NAPB: variants seen among roughly 807,000 people sequenced by gnomAD.
NAPB encodes the protein beta-soluble NSF attachment protein.
A neutral mutation model predicts 44.7 loss-of-function variants in NAPB; 26 were observed. The observed-to-expected ratio is 0.58, with a 90% CI of 0.43 to 0.81. The LOEUF is 0.81. NAPB is among the 30% of genes least tolerant of loss of function. The pLI, the probability that NAPB is intolerant of heterozygous loss-of-function variation, is 0.00. For synonymous variants in NAPB, 120 were observed against 116.8 expected, an observed-to-expected ratio of 1.03 and a Z score of -0.18; for missense variants, 315 against 356.4, an observed-to-expected ratio of 0.88 and a Z score of 0.94.
At chr20:23,388,633 G>A (rs1012559626) in intron 7 of NAPB, among the ~76,000 whole-genome samples, 11 of 151,828 alleles carry the variant, frequency 7.2e-5, no homozygotes, top group African/African-American at 2.7e-4. Flanking sequence ...TTTCAATAAG[G>A]GTCTTAATAC....
At chr20:23,414,075 C>T (rs772894834) in intron 1 of NAPB, among the ~76,000 whole-genome samples, 1 of 152,262 alleles carries the variant, frequency 6.6e-6, no homozygotes, top group East Asian at 1.9e-4. Context: ...GTAATCCCAG[C>T]CCTGTGGGAG....
chr20:23,402,894 G>T, intron 2 of NAPB, 99 bp downstream of exon 2: 2 of 867,594 alleles, frequency 2.3e-6, no homozygotes, highest in Admixed American at 2.3e-5. Context: ...CTGTCTCTGG[G>T]GCCAATAGTC....
At chr20:23,385,620 G>A (rs1005782970) in intron 7 of NAPB, among the ~76,000 whole-genome samples, 4 of 152,090 alleles carry the variant, frequency 2.6e-5, no homozygotes, top group Admixed American at 6.5e-5. Flanking sequence ...GCTGAGGCAC[G>A]AAAATAGTTT....
At chr20:23,409,343 A>C (rs1985484048) in intron 1 of NAPB, among the ~76,000 whole-genome samples, 1 of 152,262 alleles carries the variant, frequency 6.6e-6, no homozygotes, top group Non-Finnish European at 1.5e-5. Context: ...TTTGTGTTTA[A>C]GCACAATTTC....
At position 23,390,245 on chromosome 20, in the gene NAPB, T is replaced by A; in HGVS notation, c.440A>T (p.Gln147Leu). 5 of 1,611,294 alleles carry A rather than the reference T, an allele frequency of 3.1e-6. No homozygotes were observed. The highest frequency in any genetic ancestry group is 4.2e-6 in the Non-Finnish European group (5 of 1,177,470). Reference protein sequence around the residue: ...DIEKAIAHYEQSADYYKGEES... With the variant: ...DIEKAIAHYELSADYYKGEES... Reference sequence around the variant, plus strand: ...TTCTCCTTTGTAATAATCAGCAGATTGTTCATAATGTGCAATAGCCTGAAA... The same window carrying A: ...TTCTCCTTTGTAATAATCAGCAGATAGTTCATAATGTGCAATAGCCTGAAA... The change falls in exon 6 of 11, where the codon CAA becomes CTA. Residue 147 changes from glutamine (Q) to leucine (L), a missense_variant. Physicochemically the swap from Gln to Leu is moderately radical, Grantham distance 113 (BLOSUM62 -2). Around this residue, in one of 3 missense-constraint regions of NAPB, gnomAD observed 179 missense variants for 182.5 expected, o/e 0.98. Transcript: ENST00000377026.
rs1396868593 is a variant in NAPB, at chr20:23,389,973, G to A, written c.534C>T (p.Tyr178=). 1 of 1,613,966 alleles carries A rather than the reference G, an allele frequency of 6.2e-7. No homozygotes were observed. The highest frequency in any genetic ancestry group is 1.3e-5 in the African/African-American group (1 of 74,924). Residue 178 remains tyrosine, a synonymous_variant, in exon 7 of 11, where the codon TAC becomes TAT. Coordinates refer to ENST00000377026, the MANE Select transcript of NAPB (RefSeq NM_022080.3). The part of the protein sequence containing the change: ...VAAYAAQLEQ[Y]QKAIEIYEQV... ...GCTCATAGATCTCAATGGCTTTCTG[G>A]TACTGCTCAAGCTGGGCAGCATATG...
In NAPB at chr20:23,381,432, T is replaced by C. The variant is rs527328700; in HGVS notation, c.562-115A>G. 6.0e-5 allele frequency: 37 copies of C among 618,220 alleles called. No individual in the cohort carries two copies. In the South Asian group the frequency reaches 8.6e-4, roughly 14 times the overall value. The allele number at this position is 618,220 out of a possible 1,614,324, so 38.3% of individuals were successfully genotyped here. ...TATGTATCTTATGTTTGTTTAGCTATGAAATATATTATTTTATCCGAATAC... is the reference window on the plus strand; with the variant it reads ...TATGTATCTTATGTTTGTTTAGCTACGAAATATATTATTTTATCCGAATAC... On this transcript the variant is annotated intron_variant, in intron 7 of 10. Transcript: ENST00000377026.
At chr20:23,378,227 G>C (rs1469211050) in intron 10 of NAPB, among the ~76,000 whole-genome samples, 1 of 151,604 alleles carries the variant, frequency 6.6e-6, no homozygotes, top group Non-Finnish European at 1.5e-5. Flanking sequence ...AGGAGTCTCA[G>C]GTGGGAGGAT....
At chr20:23,378,295 G>A (rs904686524) in intron 10 of NAPB, among the ~76,000 whole-genome samples, 2 of 151,824 alleles carry the variant, frequency 1.3e-5, no homozygotes, top group African/African-American at 4.8e-5. Context: ...CAGCACTCCA[G>A]CCTGAGTGAC....
chr20:23,377,855 T>C (rs1982644024), intron 10 of NAPB, among the ~76,000 whole-genome samples: 1 of 152,180 alleles, frequency 6.6e-6, no homozygotes, highest in Non-Finnish European at 1.5e-5. Context: ...ATTACAGAGT[T>C]AGAATATGTA....
intron 2 of NAPB, among the ~76,000 whole-genome samples, chr20:23,397,491 T>G (rs1984456793): frequency 6.6e-6 from 1 of 152,206 alleles, no homozygotes; most frequent in Admixed American, 6.5e-5. Context: ...GGCTACTCAA[T>G]TCAATTCCAC....
At chr20:23,393,228 G>A (rs1373421611) in intron 5 of NAPB, among the ~76,000 whole-genome samples, 1 of 152,092 alleles carries the variant, frequency 6.6e-6, no homozygotes, top group Non-Finnish European at 1.5e-5. Context: ...CAAAGAGAAG[G>A]CTCACACACA....
intron 1 of NAPB, among the ~76,000 whole-genome samples, chr20:23,403,321 G>C (rs1984989087): frequency 6.6e-6 from 1 of 152,150 alleles, no homozygotes; most frequent in African/African-American, 2.4e-5. Context: ...TCAAACACAG[G>C]GCAGGGCATG....
At chr20:23,387,029 C>G (rs538128959) in intron 7 of NAPB, among the ~76,000 whole-genome samples, 1 of 152,226 alleles carries the variant, frequency 6.6e-6, no homozygotes, top group African/African-American at 2.4e-5. Context: ...AGGACAAAAA[C>G]CATACGCTTA....
At chr20:23,395,436 C>T (rs2038129184) in intron 3 of NAPB, among the ~76,000 whole-genome samples, 1 of 152,038 alleles carries the variant, frequency 6.6e-6, no homozygotes, top group Admixed American at 6.6e-5. Flanking sequence ...TTACTCTTAA[C>T]CTTAAAGTGA....
intron 1 of NAPB, among the ~76,000 whole-genome samples, chr20:23,406,038 A>G (rs1985230589): frequency 6.6e-6 from 1 of 152,266 alleles, no homozygotes; most frequent in African/African-American, 2.4e-5. Flanking sequence ...GCTCTCATGA[A>G]TGTATTAAGG....
At chr20:23,410,934 T>A (rs571996350) in intron 1 of NAPB, among the ~76,000 whole-genome samples, 6 of 151,988 alleles carry the variant, frequency 3.9e-5, no homozygotes. Flanking sequence ...TCTAGAAGGA[T>A]AGAAATAAAA....
intron 7 of NAPB, among the ~76,000 whole-genome samples, chr20:23,386,642 C>T (rs189306751): frequency 1.3e-3 from 196 of 152,334 alleles, no homozygotes; most frequent in African/African-American, 4.5e-3. Flanking sequence ...CAGAACACCA[C>T]GTTCAGGGGA....
rs1017708123 is a variant in NAPB, at chr20:23,421,027, G to C, written c.98+278C>G. ...TCTCTAAAGTGCGCGTGGGGGCTGA[G>C]AGCCCCTGGGAGGATGCGGGGTTTC... On this transcript the variant is annotated intron_variant, in intron 1 of 10. Transcript: ENST00000377026. Among the ~76,000 whole-genome samples, 4 of 151,482 alleles carry C rather than the reference G, an allele frequency of 2.6e-5. No homozygotes were observed. The South Asian group carries it at 6.3e-4, about 24-fold the overall frequency.
Sources: gnomAD v4.1 joint callset for allele counts (sites outside exome capture counted in the v4.1 genomes callset) on GRCh38, gnomAD v4.1.1 for gene constraint, gnomAD v4.1.1 regional missense constraint, MANE v1.5 for transcripts, NCBI Gene and HGNC (gene_info 2026-07-23, HGNC 2026-07-21) for gene names.